FNIP2: variants seen among roughly 807,000 people sequenced by gnomAD.
FNIP2 encodes folliculin interacting protein 2.
Under a neutral mutation model 108.7 loss-of-function variants are expected in FNIP2, and 32 were observed. That is an observed-to-expected ratio of 0.29 (90% CI 0.22 to 0.40). FNIP2 has a LOEUF of 0.40. FNIP2 is among the 10% of genes least tolerant of loss of function. The pLI is 1.00. For missense variants in FNIP2, 1,202 were observed against 1,381.6 expected (o/e 0.87, Z 2.06); for synonymous variants, 480 against 496.7 (o/e 0.97, Z 0.45).
intron 14 of FNIP2, among the ~76,000 whole-genome samples, chr4:158,879,126 T>C (rs1781445615): frequency 6.7e-6 from 1 of 149,668 alleles, no homozygotes; most frequent in African/African-American, 2.5e-5. Flanking sequence ...GAAAGTAATA[T>C]TCAAAGAAAG....
At chr4:158,869,491 A>G (rs1266886183) in intron 13 of FNIP2, 63 bp downstream of exon 13, 6 of 1,480,334 alleles carry the variant, frequency 4.1e-6, no homozygotes, top group Non-Finnish European at 5.3e-6. Flanking sequence ...CTGGCCTGAC[A>G]CCTGTGATGT....
chr4:158,781,571 G>C (rs1447108934), intron 1 of FNIP2, among the ~76,000 whole-genome samples: 1 of 152,172 alleles, frequency 6.6e-6, no homozygotes, highest in Non-Finnish European at 1.5e-5. Context: ...CTGGAGTGCA[G>C]TGGCGCGATC....
At chr4:158,895,928 A>AACG in intron 16 of FNIP2, 63 bp downstream of exon 16, 1 of 1,246,376 alleles carries the variant, frequency 8.0e-7, no homozygotes, top group Non-Finnish European at 1.2e-6. Context: ...TGTACCCACT[A>AACG]ACGTGTTTAG....
chr4:158,777,757 G>T (rs1035376925), intron 1 of FNIP2, among the ~76,000 whole-genome samples: 3 of 152,142 alleles, frequency 2.0e-5, no homozygotes, highest in Admixed American at 2.0e-4. Flanking sequence ...CTGCAGTGGG[G>T]TTGCCATATA....
At chr4:158,884,432 C>A (rs1781903892) in intron 14 of FNIP2, among the ~76,000 whole-genome samples, 1 of 152,048 alleles carries the variant, frequency 6.6e-6, no homozygotes, top group African/African-American at 2.4e-5. Flanking sequence ...TGATGAAGTG[C>A]CAAAATGAAT....
rs183232373 is a variant in FNIP2, at chr4:158,802,094, G to T, written c.108-23822G>T. Among the ~76,000 whole-genome samples, 235 of 152,240 alleles carry T rather than the reference G, an allele frequency of 1.5e-3. 6 individuals carry two copies. In the South Asian group the frequency reaches 0.025, roughly 16 times the overall value. On this transcript the variant is annotated intron_variant, in intron 1 of 16. Coordinates refer to ENST00000264433, the MANE Select transcript of FNIP2 (RefSeq NM_020840.3). ...ATATACAAAACACTGTACATATTCGGGTTGCTGTGTGTTCACAGTACCAGC... is the reference window on the plus strand; with the variant it reads ...ATATACAAAACACTGTACATATTCGTGTTGCTGTGTGTTCACAGTACCAGC...
At chr4:158,860,502 A>G (rs1184659494) in intron 10 of FNIP2, among the ~76,000 whole-genome samples, 1 of 152,164 alleles carries the variant, frequency 6.6e-6, no homozygotes, top group African/African-American at 2.4e-5. Context: ...TAAGTCATAT[A>G]TTTGAGAATG....
At chr4:158,794,004 C>T (rs911308522) in intron 1 of FNIP2, among the ~76,000 whole-genome samples, 6 of 152,168 alleles carry the variant, frequency 3.9e-5, no homozygotes, top group South Asian at 4.1e-4. Flanking sequence ...TTGAGACATT[C>T]TCTAAGTATA....
At chr4:158,798,580 G>C (rs1003895331) in intron 1 of FNIP2, among the ~76,000 whole-genome samples, 3 of 152,172 alleles carry the variant, frequency 2.0e-5, no homozygotes, top group East Asian at 3.9e-4. Context: ...AGGTGGCAGG[G>C]GTTTGGTTCA....
chr4:158,769,721 G>T (rs975416230), intron 1 of FNIP2, among the ~76,000 whole-genome samples: 1 of 152,200 alleles, frequency 6.6e-6, no homozygotes, highest in African/African-American at 2.4e-5. Context: ...CCAACCTATT[G>T]TGTACGTGAC....
chr4:158,888,181 A>G (rs779016811), intron 14 of FNIP2, among the ~76,000 whole-genome samples: 12 of 152,246 alleles, frequency 7.9e-5, no homozygotes, highest in Non-Finnish European at 1.5e-4. Flanking sequence ...ATAAGTAAGT[A>G]GCTACTAAGT....
At chr4:158,853,865 A>G (rs1302747509) in intron 8 of FNIP2, among the ~76,000 whole-genome samples, 1 of 152,162 alleles carries the variant, frequency 6.6e-6, no homozygotes, top group East Asian at 1.9e-4. Context: ...ACTTGTGGAG[A>G]TCTTACAAGA....
chr4:158,889,032 C>T (rs749065145), intron 14 of FNIP2, among the ~76,000 whole-genome samples: 7 of 151,750 alleles, frequency 4.6e-5, no homozygotes, highest in Non-Finnish European at 4.4e-5. Context: ...TCTACAAAAA[C>T]GTTTTTTTTA....
chr4:158,872,757 A>G (rs76187192), intron 14 of FNIP2: 1 of 958,882 alleles, frequency 1.0e-6, no homozygotes, highest in African/African-American at 1.8e-5. Context: ...TTTTTAAAAA[A>G]CAGGCTTACT....
chr4:158,771,893 G>A (rs148306826), intron 1 of FNIP2, among the ~76,000 whole-genome samples: 171 of 152,144 alleles, frequency 1.1e-3, no homozygotes, highest in Admixed American at 3.8e-3. Context: ...TAGTCCCTTC[G>A]CTGGGCTTAT....
intron 1 of FNIP2, among the ~76,000 whole-genome samples, chr4:158,789,853 C>T (rs1018245553): frequency 2.6e-5 from 4 of 151,304 alleles, no homozygotes; most frequent in African/African-American, 9.7e-5. Context: ...GTGTTCTAGG[C>T]GAAATAATGC....
chr4:158,865,796 A>G (rs567100394), intron 12 of FNIP2, among the ~76,000 whole-genome samples: 1 of 152,312 alleles, frequency 6.6e-6, no homozygotes, highest in African/African-American at 2.4e-5. Flanking sequence ...TCAGCCTACA[A>G]TTCTGAGTTA....
At chr4:158,871,354 G>A (rs937682736) in intron 14 of FNIP2, 24 of 980,986 alleles carry the variant, frequency 2.4e-5, no homozygotes, top group Non-Finnish European at 2.9e-5. Flanking sequence ...AGTCCTCATC[G>A]CATTAAGAAA....
intron 1 of FNIP2, among the ~76,000 whole-genome samples, chr4:158,783,738 C>G (rs1256183271): frequency 1.3e-5 from 2 of 152,174 alleles, no homozygotes; most frequent in Non-Finnish European, 2.9e-5. Context: ...TTGCTCTAGG[C>G]TCTAGGTGGC....
Sources: gnomAD v4.1 joint callset for allele counts (sites outside exome capture counted in the v4.1 genomes callset) on GRCh38, gnomAD v4.1.1 for gene constraint, MANE v1.5 for transcripts, NCBI Gene and HGNC (gene_info 2026-07-23, HGNC 2026-07-21) for gene names.